PPFIA1: variants seen among roughly 807,000 people sequenced by gnomAD.
The protein encoded by PPFIA1 is PPFI scaffold protein A1, also known as liprin-alpha-1.
PPFIA1 carries 25 observed loss-of-function variants against 149.9 expected under a neutral mutation model. The ratio of observed to expected loss-of-function variants is 0.17; its 90% CI spans 0.12 to 0.23. The LOEUF is 0.23. Ranked by LOEUF, PPFIA1 falls within the 10% of genes least tolerant of loss-of-function variation. The pLI is 1.00. For missense variants in PPFIA1, 1,362 were observed against 1,506.5 expected (o/e 0.90, Z 1.59); for synonymous variants, 549 against 552.8 (o/e 0.99, Z 0.10).
In PPFIA1 at chr11:70,272,155, TG is replaced by T. The variant is rs1243412747; in HGVS notation, c.1-15del. On this transcript the variant is annotated splice_polypyrimidine_tract_variant and intron_variant, in intron 1 of 27. Transcript: ENST00000253925. ...TATTCTGAGCTTAATTACTGTAGCC[TG>T]GGTCTTTCATTTCAAGATGATGTGC... 5.0e-6 allele frequency: 8 copies of T among 1,611,212 alleles called. No homozygotes were observed. In the African/African-American group the frequency reaches 8.0e-5, roughly 16 times the overall value.
chr11:70,300,502 G>A (rs1301947091), intron 2 of PPFIA1, among the ~76,000 whole-genome samples: 1 of 151,310 alleles, frequency 6.6e-6, no homozygotes, highest in East Asian at 1.9e-4. Flanking sequence ...CTCAGTATCT[G>A]GGACTATAAG....
intron 16 of PPFIA1, among the ~76,000 whole-genome samples, chr11:70,352,765 TGGA>T (rs1309833224): frequency 2.3e-5 from 1 of 44,236 alleles, no homozygotes; most frequent in African/African-American, 1.1e-4. Flanking sequence ...GGGCGGCGTG[TGGA>T]GGTGTCGGAG....
intron 16 of PPFIA1, among the ~76,000 whole-genome samples, chr11:70,353,270 C>A (rs955419474): frequency 1.3e-5 from 2 of 152,148 alleles, no homozygotes; most frequent in African/African-American, 4.8e-5. Flanking sequence ...ACTTTGGAGG[C>A]CGAGGCAAGA....
At chr11:70,345,508 G>A (rs1296917002) in intron 15 of PPFIA1, among the ~76,000 whole-genome samples, 1 of 152,074 alleles carries the variant, frequency 6.6e-6, no homozygotes, top group Non-Finnish European at 1.5e-5. Flanking sequence ...AAAGACAGGA[G>A]TCAGAGATGA....
rs139280285 is a variant in PPFIA1 at position 70,276,015 on chromosome 11, A to T, written c.264+3579A>T. On this transcript the variant is annotated intron_variant, in intron 2 of 27. Coordinates refer to ENST00000253925, the MANE Select transcript of PPFIA1 (RefSeq NM_003626.5). ...CTTAGTTTGCCAAGAGTTTTTTAAAAACCATGAGCAGGTATTAAATTTCTT... is the reference window on the plus strand; with the variant it reads ...CTTAGTTTGCCAAGAGTTTTTTAAATACCATGAGCAGGTATTAAATTTCTT... Among the ~76,000 whole-genome samples the T allele has an allele frequency of 2.7e-3, 413 of 152,316 alleles. 1 individual carries two copies. Among genetic ancestry groups the T allele is most frequent in the African/African-American group, 9.7e-3 (402 of 41,562 alleles).
chr11:70,349,384 C>T (rs879626620), intron 16 of PPFIA1, among the ~76,000 whole-genome samples: 1 of 152,048 alleles, frequency 6.6e-6, no homozygotes, highest in Admixed American at 6.6e-5. Flanking sequence ...AATCCCAGCA[C>T]TTTGGAGAGG....
At chr11:70,338,638 C>T (rs1451693134) in intron 13 of PPFIA1, among the ~76,000 whole-genome samples, 185 bp downstream of exon 13, 1 of 152,174 alleles carries the variant, frequency 6.6e-6, no homozygotes, top group African/African-American at 2.4e-5. Context: ...ACATCATTGG[C>T]GAAACTCCAA....
chr11:70,296,938 C>T (rs1035110559), intron 2 of PPFIA1, among the ~76,000 whole-genome samples: 2 of 152,112 alleles, frequency 1.3e-5, no homozygotes, highest in African/African-American at 2.4e-5. Context: ...CTCACAGACT[C>T]GTGGTGAAGA....
chr11:70,346,991 C>T (rs1490084046), intron 15 of PPFIA1, among the ~76,000 whole-genome samples: 1 of 152,146 alleles, frequency 6.6e-6, no homozygotes, highest in Non-Finnish European at 1.5e-5. Context: ...GCATGGTTGG[C>T]ATGAATCCAG....
intron 2 of PPFIA1, among the ~76,000 whole-genome samples, chr11:70,303,215 C>T (rs1757325166): frequency 6.6e-6 from 1 of 152,098 alleles, no homozygotes; most frequent in African/African-American, 2.4e-5. Context: ...GTCGGGCAGC[C>T]CTACCGCGTG....
chr11:70,317,560 T>C (rs2053708370), intron 2 of PPFIA1, among the ~76,000 whole-genome samples: 1 of 152,228 alleles, frequency 6.6e-6, no homozygotes, highest in Non-Finnish European at 1.5e-5. Context: ...CCCTGTATTC[T>C]CTTTGGTTTT....
chr11:70,290,781 T>TAA (rs1165967157), intron 2 of PPFIA1, among the ~76,000 whole-genome samples: 1 of 152,242 alleles, frequency 6.6e-6, no homozygotes. Flanking sequence ...TTGCCAGTAC[T>TAA]AATATAAAAA....
chr11:70,333,679 G>A (rs1421941630), intron 10 of PPFIA1, 126 bp downstream of exon 10: 18 of 754,242 alleles, frequency 2.4e-5, no homozygotes, highest in Non-Finnish European at 4.2e-5. Context: ...TTCTGGTCGC[G>A]TGCATTTGTT....
Position 70,310,650 on chromosome 11 carries a change from C to T in PPFIA1, c.265-13752C>T, listed in dbSNP as rs541992926. ...CCGCCTGCCTCAGCTTCCCAAGGTTCTGGGATTACAGGCGTGAGCCACCAC... is the reference window on the plus strand; with the variant it reads ...CCGCCTGCCTCAGCTTCCCAAGGTTTTGGGATTACAGGCGTGAGCCACCAC... On this transcript the variant is annotated intron_variant, in intron 2 of 27. Transcript: ENST00000253925. 2.0e-5 allele frequency among the ~76,000 whole-genome samples: 3 copies of T among 152,256 alleles called. No individual in the cohort carries two copies. The East Asian group carries it at 5.8e-4, about 29-fold the overall frequency.
intron 26 of PPFIA1, 77 bp downstream of exon 26, chr11:70,378,272 T>G (rs2057567728): frequency 2.6e-6 from 4 of 1,516,586 alleles, no homozygotes; most frequent in Non-Finnish European, 3.5e-6. Context: ...AATAATGATC[T>G]AAAACGGCCT....
At chr11:70,322,318 A>C (rs1422865687) in intron 2 of PPFIA1, among the ~76,000 whole-genome samples, 1 of 152,216 alleles carries the variant, frequency 6.6e-6, no homozygotes, top group Non-Finnish European at 1.5e-5. Context: ...TCTGACAGTC[A>C]GCTAGAGTTA....
At chr11:70,338,282 A>T (rs1452230447) in intron 12 of PPFIA1, 92 bp from the exon 13 acceptor site, 3 of 1,015,472 alleles carry the variant, frequency 3.0e-6, no homozygotes, top group Non-Finnish European at 4.5e-6. Flanking sequence ...TTAACCTGTT[A>T]GGGTTATGCC....
Position 70,384,290 on chromosome 11 carries a change from T to TC in PPFIA1, c.*1302dup, listed in dbSNP as rs2057806147. On this transcript the variant is annotated 3_prime_UTR_variant, in exon 28 of 28. Coordinates refer to ENST00000253925, the MANE Select transcript of PPFIA1 (RefSeq NM_003626.5). ...TTTTTCTATTAATCTTTTGTCAACT[T>TC]CCTGATTATGTAACAAAGTATGTAC... 1 of 152,672 alleles carries TC rather than the reference T, an allele frequency of 6.5e-6. No homozygotes were observed. The highest frequency in any genetic ancestry group is 1.5e-5 in the Non-Finnish European group (1 of 68,044). 9.5% of individuals were successfully genotyped at this position (152,672 alleles called of 1,614,324 possible). A position where few individuals can be genotyped will look rare whatever the true frequency, so the allele number is the denominator to read the frequency against.
intron 16 of PPFIA1, among the ~76,000 whole-genome samples, chr11:70,349,749 CTT>C (rs1011040535): frequency 2.6e-5 from 4 of 152,084 alleles, no homozygotes; most frequent in Admixed American, 6.6e-5. Flanking sequence ...ATTTTAAACT[CTT>C]TGACTGTTTT....
Sources: allele counts gnomAD v4.1 joint callset (sites outside exome capture counted in the v4.1 genomes callset), GRCh38; gene constraint gnomAD v4.1.1; transcripts MANE v1.5; gene names NCBI Gene and HGNC (gene_info 2026-07-23, HGNC 2026-07-21).